TRAPPC10: variants seen among roughly 807,000 people sequenced by gnomAD.
TRAPPC10 encodes the protein trafficking protein particle complex subunit 10.
In TRAPPC10, 23 loss-of-function variants were observed where a neutral mutation model predicts 125.5. The ratio of observed to expected loss-of-function variants is 0.18; its 90% confidence interval spans 0.13 to 0.26. The LOEUF (loss-of-function observed/expected upper bound fraction) is 0.26. Ranked by LOEUF, TRAPPC10 falls within the 10% of genes least tolerant of loss-of-function variation. The probability of loss-of-function intolerance (pLI) is 1.00; values close to 1 mark genes in which losing one functional copy is unlikely to be tolerated. For missense variants in TRAPPC10, 1,123 were observed against 1,308.4 expected, an observed-to-expected ratio of 0.86 and a Z score of 2.19; for synonymous variants, 509 against 518.0, an observed-to-expected ratio of 0.98 and a Z score of 0.24.
chr21:44,039,036 A>G (rs1225053188), intron 3 of TRAPPC10, among the ~76,000 whole-genome samples: 1 of 152,182 alleles, frequency 6.6e-6, no homozygotes, highest in African/African-American at 2.4e-5. Flanking sequence ...TCTTCTCCCC[A>G]TAACACCTGG....
Position 44,063,445 on chromosome 21 carries a change from C to T in TRAPPC10, c.791-93C>T. The T allele has an allele frequency of 6.5e-7, 1 of 1,528,630 alleles. No homozygotes were observed. The highest frequency in any genetic ancestry group is 8.8e-7 in the Non-Finnish European group (1 of 1,132,700). 94.7% of individuals were successfully genotyped at this position (1,528,630 alleles called of 1,614,324 possible). Reference sequence around the variant, plus strand: ...GTTCATAGAAAAACTGGTTATGAAGCTGCCTGTTTGCCCACCATCCTCAGC... The same window carrying T: ...GTTCATAGAAAAACTGGTTATGAAGTTGCCTGTTTGCCCACCATCCTCAGC... On this transcript the variant is annotated intron_variant, in intron 6 of 22. Transcript: ENST00000291574. The surrounding 1 kb of genome is among the most constrained non-coding windows in gnomAD (Gnocchi z 4.4).
intron 1 of TRAPPC10, among the ~76,000 whole-genome samples, chr21:44,026,645 G>T (rs1244438672): frequency 6.6e-6 from 1 of 152,168 alleles, no homozygotes; most frequent in Admixed American, 6.5e-5. Flanking sequence ...AAAATTTTCT[G>T]TAAAGCAAAT....
intron 1 of TRAPPC10, among the ~76,000 whole-genome samples, chr21:44,029,910 C>T (rs2033422074): frequency 6.6e-6 from 1 of 152,196 alleles, no homozygotes; most frequent in Non-Finnish European, 1.5e-5. Context: ...TTTTGTGGGA[C>T]ACAGTTCAGC....
At position 44,063,863 on chromosome 21, in the gene TRAPPC10, T is replaced by C. The variant is rs1485134785; in HGVS notation, c.1038+78T>C. On this transcript the variant is annotated intron_variant, in intron 7 of 22. Transcript: ENST00000291574. This position sits in a 1 kb window ranked among gnomAD's most constrained non-coding sequence, Gnocchi z 4.4. The stretch of plus-strand genomic sequence containing the variant: ...TCTCTGAACCTTGAGATCCCAGGCA[T>C]TGAACTGTTTGTGCTTAAGAAAGGG... 1 of 1,530,622 alleles carries C rather than the reference T, an allele frequency of 6.5e-7. No homozygotes were observed. Among genetic ancestry groups the C allele is most frequent in the Non-Finnish European group, 8.8e-7 (1 of 1,142,326 alleles). The allele number at this position is 1,530,622 out of a possible 1,614,324, so 94.8% of individuals were successfully genotyped here.
intron 4 of TRAPPC10, among the ~76,000 whole-genome samples, chr21:44,055,222 G>C (rs918390064): frequency 1.3e-5 from 2 of 152,066 alleles, no homozygotes; most frequent in African/African-American, 4.8e-5. Flanking sequence ...TACTGCTCGT[G>C]TTCATGACCA....
At chr21:44,018,603 G>A (rs1199834284) in intron 1 of TRAPPC10, among the ~76,000 whole-genome samples, 1 of 151,874 alleles carries the variant, frequency 6.6e-6, no homozygotes, top group Non-Finnish European at 1.5e-5. Context: ...GGAGGTTGAG[G>A]CAGGAGAATT....
intron 4 of TRAPPC10, among the ~76,000 whole-genome samples, chr21:44,053,634 C>A (rs896161367): frequency 2.0e-5 from 3 of 152,156 alleles, no homozygotes; most frequent in African/African-American, 7.2e-5. Context: ...ATTTTTTGGG[C>A]TTTTGCTAGT....
At chr21:44,030,246 A>AGT (rs61498650) in intron 1 of TRAPPC10, among the ~76,000 whole-genome samples, 26,336 of 151,048 alleles carry the variant, frequency 0.17, 2,364 homozygotes, top group South Asian at 0.29. Context: ...AGAGCGAGAG[A>AGT]GTGTGTGTGT....
intron 1 of TRAPPC10, among the ~76,000 whole-genome samples, chr21:44,030,373 C>A (rs1036956264): frequency 6.6e-6 from 1 of 152,146 alleles, no homozygotes; most frequent in Non-Finnish European, 1.5e-5. Context: ...AATCTTGGAA[C>A]TGTTTAACAG....
At chr21:44,058,605 A>G (rs1036103358) in intron 5 of TRAPPC10, among the ~76,000 whole-genome samples, 2 of 152,222 alleles carry the variant, frequency 1.3e-5, no homozygotes, top group Admixed American at 6.5e-5. Context: ...TGTGCCTGCC[A>G]TTGGAGCCAG....
At chr21:44,015,688 C>T (rs866653206) in intron 1 of TRAPPC10, among the ~76,000 whole-genome samples, 28 of 151,664 alleles carry the variant, frequency 1.8e-4, no homozygotes, top group Middle Eastern at 6.8e-3. Flanking sequence ...GATCTCGGCT[C>T]ACTGCAACTT....
chr21:44,037,995 G>T, intron 3 of TRAPPC10, 68 bp downstream of exon 3: 1 of 1,567,872 alleles, frequency 6.4e-7, no homozygotes, highest in South Asian at 1.2e-5. Flanking sequence ...AGTGCTGTGT[G>T]AGTACCAGTG....
At chr21:44,055,461 C>T (rs1339498222) in intron 4 of TRAPPC10, among the ~76,000 whole-genome samples, 1 of 151,696 alleles carries the variant, frequency 6.6e-6, no homozygotes, top group Non-Finnish European at 1.5e-5. Flanking sequence ...CATGGTGGTG[C>T]GTGCCTGTGA....
In TRAPPC10 at chr21:44,080,084, C is replaced by T; in HGVS notation, c.1680C>T (p.Cys560=). 3 of 1,614,164 alleles carry T rather than the reference C, an allele frequency of 1.9e-6. No individual in the cohort carries two copies. The highest frequency in any genetic ancestry group is 2.5e-6 in the Non-Finnish European group (3 of 1,180,028). ...HLTEEERKHF[C]QEILDFASQP... ...CTGAAGAGGAGCGCAAGCACTTCTG[C>T]CAGGAGATACTTGACTTTGCCAGCC... The change falls in exon 13 of 23, where the codon TGC becomes TGT. Residue 560 remains cysteine (C), a synonymous_variant. Transcript: ENST00000291574.
Position 44,084,157 on chromosome 21 carries a change from G to C in TRAPPC10, c.2274G>C (p.Leu758=), listed in dbSNP as rs1392182394. 4 of 1,614,124 alleles carry C rather than the reference G, an allele frequency of 2.5e-6. No individual in the cohort carries two copies. The African/African-American group carries it at 4.0e-5, about 16-fold the overall frequency. Residue 758 remains leucine, a synonymous_variant, in exon 15 of 23, where the codon CTG becomes CTC. Coordinates refer to ENST00000291574, the MANE Select transcript of TRAPPC10 (RefSeq NM_003274.5). ...CTGGAACGTATACACTCAGGCAGCT[G>C]TGCGCCTCGGTGGGCTCCGTGTGGT... ...KEPGTYTLRQ[L]CASVGSVWFV...
chr21:44,013,114 C>A (rs1052724069), intron 1 of TRAPPC10, among the ~76,000 whole-genome samples: 1 of 150,996 alleles, frequency 6.6e-6, no homozygotes, highest in African/African-American at 2.5e-5. Context: ...AACCATTTTA[C>A]GGATGAGAAA....
chr21:44,067,555 A>G (rs1044635712), intron 7 of TRAPPC10, among the ~76,000 whole-genome samples: 6 of 152,216 alleles, frequency 3.9e-5, no homozygotes. Context: ...AGAATCATTC[A>G]AGAAACGTTT....
In TRAPPC10 at chr21:44,020,125, C is replaced by CT. The variant is rs113935496; in HGVS notation, c.67+7578dup. 6.0e-3 allele frequency among the ~76,000 whole-genome samples: 838 copies of CT among 139,516 alleles called. 8 individuals are homozygous for CT. Among genetic ancestry groups the CT allele is most frequent in the African/African-American group, 0.017 (642 of 38,104 alleles). 91.5% of individuals were successfully genotyped at this position (139,516 alleles called of 152,430 possible). On this transcript the variant is annotated intron_variant, in intron 1 of 22. Transcript: ENST00000291574. Reference sequence around the variant, plus strand: ...TGTTTGGACATTTTTCTTTTCTTTTCTTTTTTTTTTTTTGAGACAGAGTCT... The same window carrying CT: ...TGTTTGGACATTTTTCTTTTCTTTTCTTTTTTTTTTTTTTGAGACAGAGTCT...
chr21:44,075,007 A>T, intron 8 of TRAPPC10, 32 bp from the exon 9 acceptor site: 1 of 1,458,904 alleles, frequency 6.9e-7, no homozygotes, highest in South Asian at 1.2e-5. Flanking sequence ...TCTTACGGCA[A>T]ATTAATTGAA....
Sources: allele counts gnomAD v4.1 joint callset (sites outside exome capture counted in the v4.1 genomes callset), GRCh38; gene constraint gnomAD v4.1.1; non-coding constraint Gnocchi (gnomAD v3.1); transcripts MANE v1.5; gene names NCBI Gene and HGNC (gene_info 2026-07-23, HGNC 2026-07-21).